SEPTIN9: variants seen among roughly 807,000 people sequenced by gnomAD.
SEPTIN9 encodes septin 9, also known as septin-9.
Under a neutral mutation model 56.6 loss-of-function variants are expected in SEPTIN9, and 13 were observed. The observed-to-expected ratio is 0.23, with a 90% CI of 0.15 to 0.37. SEPTIN9 has a LOEUF of 0.37. Among genes scored for constraint, SEPTIN9 ranks in the 10% least tolerant of loss-of-function variants. The pLI is 1.00. For missense variants in SEPTIN9, 650 were observed against 823.1 expected, an observed-to-expected ratio of 0.79 and a Z score of 2.57; for synonymous variants, 332 against 334.1, an observed-to-expected ratio of 0.99 and a Z score of 0.07.
chr17:77,471,367 C>G (rs949528346), intron 3 of SEPTIN9, among the ~76,000 whole-genome samples: 3 of 152,272 alleles, frequency 2.0e-5, no homozygotes, highest in Non-Finnish European at 4.4e-5. Context: ...AGGGCCCGAG[C>G]TGATCTGCAC....
At chr17:77,465,147 T>TCCA (rs1207721364) in intron 3 of SEPTIN9, among the ~76,000 whole-genome samples, 3 of 152,230 alleles carry the variant, frequency 2.0e-5, no homozygotes, top group African/African-American at 7.2e-5. Flanking sequence ...TCAAGGCTCA[T>TCCA]CCACATTGTA....
rs9909785 is a variant in SEPTIN9, at chr17:77,428,482, C to T, written c.721+25779C>T. On this transcript the variant is annotated intron_variant, in intron 3 of 11. Transcript: ENST00000427177. The stretch of plus-strand genomic sequence containing the variant: ...TCCAGAAAAAGAGGAACTAACAGTT[C>T]CACCCCCAAACTGGGTGGGAGTACC... Among the ~76,000 whole-genome samples the T allele has an allele frequency of 8.3e-3, 1,263 of 152,282 alleles. 21 individuals carry two copies. Among genetic ancestry groups the T allele is most frequent in the African/African-American group, 0.028 (1,164 of 41,552 alleles).
chr17:77,354,122 G>A (rs1029675222), intron 2 of SEPTIN9, among the ~76,000 whole-genome samples: 4 of 152,244 alleles, frequency 2.6e-5, no homozygotes, highest in African/African-American at 9.6e-5. Context: ...TTAAGCTTGT[G>A]TCTTATTTTT....
chr17:77,321,832 A>G (rs1237265174), intron 2 of SEPTIN9, among the ~76,000 whole-genome samples: 2 of 152,220 alleles, frequency 1.3e-5, no homozygotes, highest in South Asian at 2.1e-4. Context: ...GTGAAACTGC[A>G]TCTTATCTGT....
At chr17:77,363,379 C>CTTTTTTTTT (rs34313886) in intron 2 of SEPTIN9, among the ~76,000 whole-genome samples, 4 of 66,620 alleles carry the variant, frequency 6.0e-5, no homozygotes, top group African/African-American at 1.2e-4. Context: ...TTGGGCCTGT[C>CTTTTTTTTT]TTTTTTTTTT....
chr17:77,414,839 A>G (rs2036441600), intron 3 of SEPTIN9, among the ~76,000 whole-genome samples: 1 of 152,004 alleles, frequency 6.6e-6, no homozygotes, highest in Non-Finnish European at 1.5e-5. Context: ...TGGCCTCCCA[A>G]AGTTCTGGAA....
intron 2 of SEPTIN9, among the ~76,000 whole-genome samples, chr17:77,391,410 A>G (rs1425222224): frequency 6.6e-6 from 1 of 151,908 alleles, no homozygotes; most frequent in Middle Eastern, 3.2e-3. Flanking sequence ...CATCACCATC[A>G]TCTCTGATCT....
At chr17:77,284,510 C>T (rs371027560) in intron 1 of SEPTIN9, among the ~76,000 whole-genome samples, 57 of 152,322 alleles carry the variant, frequency 3.7e-4, no homozygotes, top group East Asian at 9.6e-4. Context: ...GGCTCAGAGC[C>T]GCCAGCCCCT....
At chr17:77,337,690 A>G (rs543949427) in intron 2 of SEPTIN9, among the ~76,000 whole-genome samples, 6 of 152,238 alleles carry the variant, frequency 3.9e-5, no homozygotes, top group Non-Finnish European at 8.8e-5. Context: ...ATGTATAGAA[A>G]GAGTTATTCA....
intron 2 of SEPTIN9, among the ~76,000 whole-genome samples, chr17:77,360,915 C>CTT (rs34718935): frequency 2.8e-3 from 214 of 76,766 alleles, no homozygotes; most frequent in Non-Finnish European, 3.5e-3. Context: ...GTCTTTCATC[C>CTT]TTTTTTTTTT....
intron 3 of SEPTIN9, among the ~76,000 whole-genome samples, chr17:77,431,168 G>A (rs2037117809): frequency 6.6e-6 from 1 of 152,120 alleles, no homozygotes; most frequent in Non-Finnish European, 1.5e-5. Context: ...GAGGTGCTAG[G>A]GGTAGTGGCG....
chr17:77,385,482 G>T (rs543998447), intron 2 of SEPTIN9, among the ~76,000 whole-genome samples: 46 of 152,102 alleles, frequency 3.0e-4, no homozygotes, highest in African/African-American at 7.7e-4. Context: ...GCCTCCCAAG[G>T]TTCCAGGATT....
intron 2 of SEPTIN9, among the ~76,000 whole-genome samples, chr17:77,372,901 G>A (rs984145666): frequency 2.6e-5 from 4 of 152,262 alleles, no homozygotes; most frequent in African/African-American, 7.2e-5. Context: ...CAGGCGCAGA[G>A]CGCGCGGCGG....
At chr17:77,339,226 G>A (rs2033650728) in intron 2 of SEPTIN9, among the ~76,000 whole-genome samples, 1 of 152,166 alleles carries the variant, frequency 6.6e-6, no homozygotes, top group South Asian at 2.1e-4. Context: ...CATCTAGAAT[G>A]GGGAATCCTT....
chr17:77,478,854 A>T (rs942776385), intron 3 of SEPTIN9, among the ~76,000 whole-genome samples: 1 of 152,112 alleles, frequency 6.6e-6, no homozygotes, highest in Non-Finnish European at 1.5e-5. Context: ...ACTCAGCCGT[A>T]AAGAGGAAGT....
rs917159798 is a variant in SEPTIN9 at position 77,356,472 on chromosome 17, G to A, written c.77-45587G>A. 4.6e-5 allele frequency among the ~76,000 whole-genome samples: 7 copies of A among 151,414 alleles called. No individual in the cohort carries two copies. The East Asian group carries it at 5.9e-4, about 13-fold the overall frequency. On this transcript the variant is annotated intron_variant, in intron 2 of 11. Coordinates refer to ENST00000427177, the MANE Select transcript of SEPTIN9 (RefSeq NM_001113491.2). ...CAGCTCTTTCTCACTCTGTGCCTCC[G>A]CTTCCTGATGGAAAAATGGGGGCCA...
Position 77,486,534 on chromosome 17 carries a change from G to A in SEPTIN9, c.914-890G>A, listed in dbSNP as rs1433884579. The stretch of plus-strand genomic sequence containing the variant: ...TGTGTGTGTGTGTGCGCGCACGCGC[G>A]CGCGTGTTATATGTGATTTGTTTGT... On this transcript the variant is annotated intron_variant, in intron 4 of 11. Coordinates refer to ENST00000427177, the MANE Select transcript of SEPTIN9 (RefSeq NM_001113491.2). 2.3e-3 allele frequency among the ~76,000 whole-genome samples: 315 copies of A among 137,998 alleles called. 2 individuals carry two copies. Among genetic ancestry groups the A allele is most frequent in the African/African-American group, 9.4e-3 (288 of 30,686 alleles). 90.5% of individuals were successfully genotyped at this position (137,998 alleles called of 152,430 possible).
At position 77,487,617 on chromosome 17, in the gene SEPTIN9, G is replaced by A; in HGVS notation, c.1042+65G>A. 3 of 1,408,746 alleles carry A rather than the reference G, an allele frequency of 2.1e-6. No homozygotes were observed. The highest frequency in any genetic ancestry group is 2.9e-6 in the Non-Finnish European group (3 of 1,028,808). 87.3% of individuals were successfully genotyped at this position (1,408,746 alleles called of 1,614,324 possible). A position where few individuals can be genotyped will look rare whatever the true frequency, so the allele number is the denominator to read the frequency against. ...TGCCTTCCTGGAGCACAGGGGTTGG[G>A]GGTCAAGACCATCACACACAGTCAG... On this transcript the variant is annotated intron_variant, in intron 5 of 11. Transcript: ENST00000427177. This position sits in a 1 kb window ranked among gnomAD's most constrained non-coding sequence, Gnocchi z 4.3.
In SEPTIN9 at chr17:77,402,666, GC is replaced by G; in HGVS notation, c.689del (p.Pro230LeufsTer64). The G allele has an allele frequency of 6.2e-7, 1 of 1,607,684 alleles. No homozygotes were observed. Among genetic ancestry groups the G allele is most frequent in the Non-Finnish European group, 8.5e-7 (1 of 1,176,720 alleles). Reference protein sequence around the residue: ...LQSRLEPKPQPPVAEATPRSQ... With the variant: ...LQSRLEPKPQXPVAEATPRSQ... ...AGAGCAGGCTGGAGCCCAAGCCCCA[GC>G]CCCCTGTGGCTGAGGCTACACCCCG... On this transcript the variant is annotated frameshift_variant, in exon 3 of 12. Transcript: ENST00000427177. LOFTEE classifies it high-confidence loss of function. This position sits in a 1 kb window ranked among gnomAD's most constrained non-coding sequence, Gnocchi z 6.6.
Sources: gnomAD v4.1 joint callset for allele counts (sites outside exome capture counted in the v4.1 genomes callset) on GRCh38, gnomAD v4.1.1 for gene constraint, Gnocchi (gnomAD v3.1) non-coding constraint, MANE v1.5 for transcripts, NCBI Gene and HGNC (gene_info 2026-07-23, HGNC 2026-07-21) for gene names.